The following BCL7A variants were observed in gnomAD, a reference collection of about 807,000 sequenced individuals.
BCL7A encodes B-cell CLL/lymphoma 7 protein family member A.
A neutral mutation model predicts 28.4 loss-of-function variants in BCL7A; 11 were observed. The ratio of observed to expected loss-of-function variants is 0.39; its 90% CI spans 0.24 to 0.64. BCL7A has a LOEUF of 0.64. Ranked by LOEUF, BCL7A falls within the 30% of genes least tolerant of loss-of-function variation. The pLI is 0.50. For synonymous variants in BCL7A, 123 were observed against 103.3 expected (o/e 1.19, Z -1.15); for missense variants, 222 against 274.8 (o/e 0.81, Z 1.36).
At chr12:122,022,299 G>T (rs1008886185) in intron 1 of BCL7A, 116 bp downstream of exon 1, 1 of 546,730 alleles carries the variant, frequency 1.8e-6, no homozygotes, top group South Asian at 7.7e-5. Context: ...GCCCCGCCGC[G>T]GGCCCCGGGA....
At chr12:122,035,588 C>T (rs1194640127) in intron 3 of BCL7A, among the ~76,000 whole-genome samples, 161 bp downstream of exon 3, 2 of 152,132 alleles carry the variant, frequency 1.3e-5, no homozygotes, top group African/African-American at 4.8e-5. Context: ...GAAGAGTCAG[C>T]GGAGGAGAGG....
At chr12:122,051,704 C>T (rs1884194468) in intron 4 of BCL7A, among the ~76,000 whole-genome samples, 1 of 152,112 alleles carries the variant, frequency 6.6e-6, no homozygotes, top group African/African-American at 2.4e-5. Context: ...ACCCACCTCC[C>T]CCACCACTCT....
chr12:122,047,401 G>A (rs1272600041), intron 4 of BCL7A, among the ~76,000 whole-genome samples: 1 of 152,022 alleles, frequency 6.6e-6, no homozygotes, highest in Non-Finnish European at 1.5e-5. Context: ...TTGGGCGCCT[G>A]TAGTCCCGGC....
chr12:122,040,362 A>G (rs953801697), intron 3 of BCL7A, among the ~76,000 whole-genome samples: 11 of 151,924 alleles, frequency 7.2e-5, no homozygotes, highest in South Asian at 6.2e-4. Context: ...GTGAAACCCC[A>G]TCTCTACTAA....
intron 5 of BCL7A, 149 bp from the exon 6 acceptor site, chr12:122,058,943 A>G (rs1191770011): frequency 1.3e-5 from 8 of 624,720 alleles, no homozygotes; most frequent in South Asian, 1.2e-4. Context: ...TCTGGAGTCC[A>G]CGCTTGGGCC....
intron 3 of BCL7A, among the ~76,000 whole-genome samples, chr12:122,039,500 A>ATAAAATATATATATTATATATAT (rs1883925375): frequency 7.1e-6 from 1 of 140,410 alleles, no homozygotes; most frequent in African/African-American, 2.6e-5. Context: ...ATATATATAT[A>ATAAAATATATATATTATATATAT]TATATAATAT....
chr12:122,039,581 T>C (rs1883928694), intron 3 of BCL7A, among the ~76,000 whole-genome samples: 4 of 148,396 alleles, frequency 2.7e-5, no homozygotes, highest in African/African-American at 7.4e-5. Context: ...GGGCCAGGTG[T>C]GGTGGCTCAT....
rs1291899637 is a variant in BCL7A, at chr12:122,061,701, T to C, written c.*2538T>C. The C allele has an allele frequency of 4.4e-6, 1 of 227,078 alleles. No homozygotes were observed. The highest frequency in any genetic ancestry group is 8.8e-6 in the Non-Finnish European group (1 of 114,094). The allele number at this position is 227,078 out of a possible 1,614,324, so 14.1% of individuals were successfully genotyped here. On this transcript the variant is annotated 3_prime_UTR_variant, in exon 6 of 6. Coordinates refer to ENST00000261822, the MANE Select transcript of BCL7A (RefSeq NM_001024808.3). ...TCAAGGGCTCCCAGGGCAAACCTAA[T>C]TCCCCCCAAAACGTGAAGTCGGGGA...
At chr12:122,034,061 T>G (rs1351619880) in intron 2 of BCL7A, among the ~76,000 whole-genome samples, 1 of 151,336 alleles carries the variant, frequency 6.6e-6, no homozygotes, top group Admixed American at 6.6e-5. Context: ...CAGGTTTTGT[T>G]TATCCTTCTA....
In BCL7A at chr12:122,043,946, G is replaced by C. The variant is rs762546924; in HGVS notation, c.332G>C (p.Ser111Thr). 2 of 1,613,956 alleles carry C rather than the reference G, an allele frequency of 1.2e-6. No individual in the cohort carries two copies. The highest frequency in any genetic ancestry group is 3.3e-5 in the Admixed American group (2 of 59,996). ...DASPIKQENS[S>T]NSSPAPEPNS... ...TCCCCCATCAAACAGGAGAACAGCA[G>C]CAACTCCAGCCCCGCTCCAGAGCCC... The change falls in exon 4 of 6, where the codon AGC becomes ACC. Residue 111 changes from serine (S) to threonine (T), a missense_variant. By Grantham distance (58) the Ser-to-Thr change is moderately conservative. This residue lies in a region of BCL7A where 155 missense variants were observed against 145.7 expected (regional missense o/e 1.06). Coordinates refer to ENST00000261822, the MANE Select transcript of BCL7A (RefSeq NM_001024808.3).
At chr12:122,057,373 T>C (rs193170020) in intron 5 of BCL7A, among the ~76,000 whole-genome samples, 53 of 152,356 alleles carry the variant, frequency 3.5e-4, no homozygotes, top group African/African-American at 1.3e-3. Context: ...TAGGGCCTTC[T>C]TGGTCCTGGT....
intron 4 of BCL7A, among the ~76,000 whole-genome samples, chr12:122,051,447 C>T (rs919034227): frequency 6.6e-6 from 1 of 152,188 alleles, no homozygotes; most frequent in Non-Finnish European, 1.5e-5. Flanking sequence ...GTCCAAGCTC[C>T]CTGGACTAAA....
chr12:122,061,919 GA>G lies in BCL7A; in HGVS notation c.*2758del. The G allele has an allele frequency of 4.8e-6, 1 of 206,330 alleles. No homozygotes were observed. The highest frequency in any genetic ancestry group is 7.3e-5 in the East Asian group (1 of 13,608). The allele number at this position is 206,330 out of a possible 1,614,324, so 12.8% of individuals were successfully genotyped here. ...GTTACCTAATTTTTTCCCCTTTCAAGAATTTTTTTTTTTTTTGGTGTGTTGT... is the reference window on the plus strand; with the variant it reads ...GTTACCTAATTTTTTCCCCTTTCAAGATTTTTTTTTTTTTTGGTGTGTTGT... On this transcript the variant is annotated 3_prime_UTR_variant, in exon 6 of 6. Coordinates refer to ENST00000261822, the MANE Select transcript of BCL7A (RefSeq NM_001024808.3).
chr12:122,053,255 C>G (rs954539105), intron 4 of BCL7A, among the ~76,000 whole-genome samples: 8 of 152,238 alleles, frequency 5.3e-5, no homozygotes, highest in African/African-American at 1.9e-4. Context: ...CTTGGCCTCC[C>G]AAAGTGGTGG....
intron 4 of BCL7A, among the ~76,000 whole-genome samples, chr12:122,047,925 C>T (rs1417775510): frequency 5.5e-5 from 5 of 91,074 alleles, no homozygotes; most frequent in Non-Finnish European, 1.0e-4. Flanking sequence ...TTTTTTGAGA[C>T]GGAGTTTCGC....
intron 1 of BCL7A, among the ~76,000 whole-genome samples, chr12:122,024,380 C>A (rs2135836149): frequency 6.6e-6 from 1 of 152,166 alleles, no homozygotes; most frequent in East Asian, 1.9e-4. Context: ...GAGCACCGCG[C>A]CCTGGGCGCA....
chr12:122,036,470 G>A (rs1035495157), intron 3 of BCL7A, among the ~76,000 whole-genome samples: 3 of 152,178 alleles, frequency 2.0e-5, no homozygotes, highest in Admixed American at 2.0e-4. Context: ...TCCAGATGGT[G>A]CTGTCTGCCA....
intron 2 of BCL7A, among the ~76,000 whole-genome samples, chr12:122,032,419 G>A (rs933639161): frequency 3.3e-5 from 5 of 152,200 alleles, no homozygotes; most frequent in Admixed American, 1.3e-4. Context: ...TAGAAATGCT[G>A]GTTGCATTTG....
chr12:122,031,175 C>T (rs1332539701), intron 2 of BCL7A, among the ~76,000 whole-genome samples: 1 of 152,164 alleles, frequency 6.6e-6, no homozygotes, highest in Non-Finnish European at 1.5e-5. Flanking sequence ...TACAGGTGCA[C>T]ACCACCACAC....
Sources: allele counts gnomAD v4.1 joint callset (sites outside exome capture counted in the v4.1 genomes callset), GRCh38; gene constraint gnomAD v4.1.1; regional missense constraint gnomAD v4.1.1; transcripts MANE v1.5; gene names NCBI Gene and HGNC (gene_info 2026-07-23, HGNC 2026-07-21).